The following RNF125 variants were observed in gnomAD, a reference collection of about 807,000 sequenced individuals.
The protein encoded by RNF125 is E3 ubiquitin-protein ligase RNF125.
In RNF125, 21 loss-of-function variants were observed where a neutral mutation model predicts 26.0. The ratio of observed to expected loss-of-function variants is 0.81; its 90% CI spans 0.57 to 1.16. The LOEUF (loss-of-function observed/expected upper bound fraction) is 1.16, where lower values mean the gene tolerates loss of function less well. Ranked by LOEUF, RNF125 falls within the 50% of genes most tolerant of loss-of-function variation. RNF125 has a pLI of 0.00. For synonymous variants in RNF125, 95 were observed against 109.2 expected, an observed-to-expected ratio of 0.87 and a Z score of 0.81; for missense variants, 270 against 299.4, an observed-to-expected ratio of 0.90 and a Z score of 0.72.
chr18:32,075,755 T>G, downstream of RNF125: 1 of 425,976 alleles, frequency 2.3e-6, no homozygotes, highest in Non-Finnish European at 4.3e-6. Context: ...TTTAAAAGCA[T>G]CAATCTGATT....
chr18:32,073,638 A>T (rs2039550973), downstream of RNF125, among the ~76,000 whole-genome samples: 1 of 152,224 alleles, frequency 6.6e-6, no homozygotes, highest in African/African-American at 2.4e-5. Context: ...CCCCCTGCTA[A>T]ATCCATACTA....
At chr18:32,056,621 CAAAA>C (rs58384246) in intron 4 of RNF125, among the ~76,000 whole-genome samples, 83 of 95,284 alleles carry the variant, frequency 8.7e-4, no homozygotes, top group African/African-American at 2.4e-3. Context: ...AACTCCGTCT[CAAAA>C]AAAAAAAAAA....
intron 4 of RNF125, among the ~76,000 whole-genome samples, chr18:32,046,411 A>G (rs1037584145): frequency 2.6e-5 from 4 of 151,866 alleles, no homozygotes; most frequent in Non-Finnish European, 5.9e-5. Context: ...CCTGGCTAAC[A>G]CAGTGAAACC....
chr18:32,063,920 G>T (rs1288315121), intron 4 of RNF125, among the ~76,000 whole-genome samples: 2 of 151,602 alleles, frequency 1.3e-5, no homozygotes, highest in African/African-American at 2.4e-5. Flanking sequence ...AGGAAATAAA[G>T]GATAGCAACG....
In RNF125 at chr18:32,027,078, A is replaced by G. The variant is rs143994776; in HGVS notation, c.164+8051A>G. On this transcript the variant is annotated intron_variant, in intron 1 of 5. Coordinates refer to ENST00000217740, the MANE Select transcript of RNF125 (RefSeq NM_017831.4). Reference sequence around the variant, plus strand: ...TACAAATATAAATTCAAAACAATTCAAACTAATTTTTTCCAAGTATTTCTT... The same window carrying G: ...TACAAATATAAATTCAAAACAATTCGAACTAATTTTTTCCAAGTATTTCTT... 5.6e-3 allele frequency among the ~76,000 whole-genome samples: 851 copies of G among 152,338 alleles called. 8 individuals are homozygous for G. Among genetic ancestry groups the G allele is most frequent in the African/African-American group, 0.019 (808 of 41,586 alleles).
chr18:32,047,827 G>A (rs917758200), intron 4 of RNF125, among the ~76,000 whole-genome samples: 8 of 151,998 alleles, frequency 5.3e-5, no homozygotes, highest in African/African-American at 1.7e-4. Context: ...AGATGATAGA[G>A]AATAAAGAGA....
rs116028782 is a variant in RNF125, at chr18:32,032,847, T to G, written c.165-4269T>G. ...GCAGCCTGGGCGACAGAGCAAGACA[T>G]CTGGCAAAAAAAACCAAAAAAACCC... On this transcript the variant is annotated intron_variant, in intron 1 of 5. Coordinates refer to ENST00000217740, the MANE Select transcript of RNF125 (RefSeq NM_017831.4). Among the ~76,000 whole-genome samples, 1,026 of 151,904 alleles carry G rather than the reference T, an allele frequency of 6.8e-3. 8 individuals are homozygous for G. The highest frequency in any genetic ancestry group is 0.022 in the African/African-American group (899 of 41,438).
chr18:32,028,297 TAAAAAAAAAAA>T (rs1156859954), intron 1 of RNF125, among the ~76,000 whole-genome samples: 8 of 72,396 alleles, frequency 1.1e-4, no homozygotes, highest in East Asian at 3.7e-4. Context: ...GACTCCGTCT[TAAAAAAAAAAA>T]AAAAAAAAAA....
intron 1 of RNF125, among the ~76,000 whole-genome samples, chr18:32,024,523 C>T (rs533495243): frequency 3.3e-5 from 5 of 152,160 alleles, no homozygotes; most frequent in Non-Finnish European, 5.9e-5. Context: ...CTACTGCAAC[C>T]TCAAATTCCT....
At chr18:32,028,908 T>C (rs777885187) in intron 1 of RNF125, among the ~76,000 whole-genome samples, 3 of 152,172 alleles carry the variant, frequency 2.0e-5, no homozygotes, top group Non-Finnish European at 2.9e-5. Context: ...TCTTCATTTG[T>C]AAAATGGGGT....
chr18:32,045,283 G>T lies in RNF125; in HGVS notation c.414-359G>T, dbSNP rs191917048. On this transcript the variant is annotated intron_variant, in intron 3 of 5. Transcript: ENST00000217740. ...AGTCCAAATTCAGATATGTGACCAGGTGCGGTGGCTCACGCCTGTAATCCC... is the reference window on the plus strand; with the variant it reads ...AGTCCAAATTCAGATATGTGACCAGTTGCGGTGGCTCACGCCTGTAATCCC... Among the ~76,000 whole-genome samples the T allele has an allele frequency of 5.0e-3, 754 of 152,172 alleles. 5 individuals carry two copies. Among genetic ancestry groups the T allele is most frequent in the Non-Finnish European group, 7.1e-3 (481 of 67,990 alleles).
chr18:32,044,312 A>G (rs983757846), intron 3 of RNF125, among the ~76,000 whole-genome samples: 15 of 152,092 alleles, frequency 9.9e-5, no homozygotes, highest in Non-Finnish European at 1.6e-4. Context: ...GCCTAGAAAT[A>G]TAATGTTAAT....
intron 4 of RNF125, among the ~76,000 whole-genome samples, chr18:32,064,294 C>G (rs951224549): frequency 6.6e-6 from 1 of 151,304 alleles, no homozygotes; most frequent in African/African-American, 2.4e-5. Flanking sequence ...GATTACACTT[C>G]AACATGAGAT....
intron 4 of RNF125, among the ~76,000 whole-genome samples, chr18:32,055,300 A>G (rs2039369630): frequency 8.0e-5 from 1 of 12,466 alleles, no homozygotes; most frequent in African/African-American, 5.4e-4. Flanking sequence ...CCATGTCTCT[A>G]AAAAAAAAAA....
At chr18:32,046,723 G>A (rs1248798875) in intron 4 of RNF125, among the ~76,000 whole-genome samples, 1 of 151,834 alleles carries the variant, frequency 6.6e-6, no homozygotes, top group Non-Finnish European at 1.5e-5. Context: ...TGTTTGTATG[G>A]TAAATGTACA....
chr18:32,042,704 A>T (rs940771430), intron 3 of RNF125, among the ~76,000 whole-genome samples: 1 of 151,226 alleles, frequency 6.6e-6, no homozygotes, highest in Non-Finnish European at 1.5e-5. Context: ...TATAGACAGC[A>T]GCATCTCAGT....
intron 3 of RNF125, among the ~76,000 whole-genome samples, chr18:32,045,312 A>T (rs1376764075): frequency 1.3e-5 from 2 of 151,904 alleles, no homozygotes; most frequent in African/African-American, 4.8e-5. Flanking sequence ...TAATCCCAGC[A>T]CTTTGGGAGG....
intron 4 of RNF125, among the ~76,000 whole-genome samples, chr18:32,049,026 C>T (rs2039299705): frequency 6.6e-6 from 1 of 152,226 alleles, no homozygotes; most frequent in Non-Finnish European, 1.5e-5. Context: ...GCCCTCTGGA[C>T]TGTGGTCCTA....
At chr18:32,061,125 C>A (rs951750443) in intron 4 of RNF125, among the ~76,000 whole-genome samples, 1 of 152,184 alleles carries the variant, frequency 6.6e-6, no homozygotes, top group South Asian at 2.1e-4. Flanking sequence ...CCTGGGTTCA[C>A]GCCATTCTCC....
Sources: gnomAD v4.1 joint callset for allele counts (sites outside exome capture counted in the v4.1 genomes callset) on GRCh38, gnomAD v4.1.1 for gene constraint, MANE v1.5 for transcripts, NCBI Gene and HGNC (gene_info 2026-07-23, HGNC 2026-07-21) for gene names.